PCDH15: variants seen among roughly 807,000 people sequenced by gnomAD.
The protein encoded by PCDH15 is protocadherin related 15.
In PCDH15, 129 loss-of-function variants were observed where a neutral mutation model predicts 178.5. The ratio of observed to expected loss-of-function variants is 0.72; its 90% CI spans 0.63 to 0.84. The LOEUF (loss-of-function observed/expected upper bound fraction) is 0.84, where lower values mean the gene tolerates loss of function less well. PCDH15 is among the 40% of genes least tolerant of loss of function. The probability of loss-of-function intolerance (pLI) is 0.00; values close to 1 mark genes in which losing one functional copy is unlikely to be tolerated. For missense variants in PCDH15, 2,230 were observed against 2,099.9 expected, an observed-to-expected ratio of 1.06 and a Z score of -1.21; for synonymous variants, 800 against 732.0, an observed-to-expected ratio of 1.09 and a Z score of -1.50.
intron 2 of PCDH15, among the ~76,000 whole-genome samples, chr10:55,345,274 A>G (rs2131959789): frequency 6.6e-6 from 1 of 152,096 alleles, no homozygotes; most frequent in Non-Finnish European, 1.5e-5. Context: ...GACATAATTT[A>G]AAATATACCG....
chr10:54,145,499 T>C (rs1329004735), intron 14 of PCDH15, among the ~76,000 whole-genome samples: 4 of 152,108 alleles, frequency 2.6e-5, no homozygotes, highest in African/African-American at 9.6e-5. Context: ...ATTCTATTAT[T>C]TTTGAAATAC....
At chr10:54,245,048 C>A (rs766071820) in intron 8 of PCDH15, among the ~76,000 whole-genome samples, 1 of 152,088 alleles carries the variant, frequency 6.6e-6, no homozygotes, top group Non-Finnish European at 1.5e-5. Flanking sequence ...CTATCTAGGA[C>A]CTCCTTGTTA....
intron 2 of PCDH15, among the ~76,000 whole-genome samples, chr10:55,398,368 C>T (rs1349646220): frequency 6.6e-6 from 1 of 152,186 alleles, no homozygotes; most frequent in Middle Eastern, 3.4e-3. Flanking sequence ...GTTAGGCCAA[C>T]AAAGAAGCAC....
chr10:54,892,088 C>A (rs1214113784), intron 3 of PCDH15, among the ~76,000 whole-genome samples: 1 of 152,106 alleles, frequency 6.6e-6, no homozygotes, highest in African/African-American at 2.4e-5. Flanking sequence ...CATACACCCC[C>A]AGACGCTACT....
At chr10:53,854,285 A>T (rs2078583642) in intron 28 of PCDH15, among the ~76,000 whole-genome samples, 1 of 152,020 alleles carries the variant, frequency 6.6e-6, no homozygotes, top group Non-Finnish European at 1.5e-5. Context: ...AACTTGTTTA[A>T]TGGGTACCAA....
intron 2 of PCDH15, among the ~76,000 whole-genome samples, chr10:54,535,278 T>C (rs1284306582): frequency 6.6e-6 from 1 of 152,208 alleles, no homozygotes; most frequent in Non-Finnish European, 1.5e-5. Context: ...CAATTTACTC[T>C]AGAGACCATA....
At chr10:54,036,501 T>C (rs913878192) in intron 18 of PCDH15, among the ~76,000 whole-genome samples, 3 of 151,730 alleles carry the variant, frequency 2.0e-5, no homozygotes, top group African/African-American at 7.3e-5. Context: ...AATAAAAGCA[T>C]ATATTTATGG....
chr10:54,797,840 GAC>G (rs1952204350), intron 1 of PCDH15, among the ~76,000 whole-genome samples: 1 of 151,880 alleles, frequency 6.6e-6, no homozygotes, highest in Non-Finnish European at 1.5e-5. Flanking sequence ...TACTCAGCGT[GAC>G]TGACTTTTAG....
chr10:54,105,301 T>C (rs1408595514), intron 15 of PCDH15, among the ~76,000 whole-genome samples: 2 of 98,356 alleles, frequency 2.0e-5, no homozygotes, highest in Admixed American at 1.0e-4. Context: ...TATATATATA[T>C]ATATATATAT....
chr10:55,355,739 A>C (rs1845060578), intron 2 of PCDH15, among the ~76,000 whole-genome samples: 1 of 151,938 alleles, frequency 6.6e-6, no homozygotes, highest in African/African-American at 2.4e-5. Context: ...AGTTTTCTTT[A>C]ACTTTTTAAA....
At chr10:54,889,866 TGA>T (rs1954429118) in intron 3 of PCDH15, among the ~76,000 whole-genome samples, 1 of 151,870 alleles carries the variant, frequency 6.6e-6, no homozygotes, top group African/African-American at 2.4e-5. Context: ...CATTTATAAA[TGA>T]GAGGGCAAAG....
At chr10:54,224,936 C>T (rs2053267067) in intron 9 of PCDH15, among the ~76,000 whole-genome samples, 1 of 152,100 alleles carries the variant, frequency 6.6e-6, no homozygotes, top group African/African-American at 2.4e-5. Context: ...AAATAACGAA[C>T]TTCATTTTCT....
At chr10:55,004,260 A>G (rs1839869707) in intron 2 of PCDH15, among the ~76,000 whole-genome samples, 1 of 152,050 alleles carries the variant, frequency 6.6e-6, no homozygotes. Context: ...CACAAAGACT[A>G]CTCAGCATAA....
intron 1 of PCDH15, among the ~76,000 whole-genome samples, chr10:54,727,822 T>C (rs1942784510): frequency 6.6e-6 from 1 of 151,350 alleles, no homozygotes; most frequent in Non-Finnish European, 1.5e-5. Context: ...TCACATAAAC[T>C]AGAAAACCTT....
intron 3 of PCDH15, among the ~76,000 whole-genome samples, chr10:54,828,568 C>T (rs1482968557): frequency 6.6e-6 from 1 of 151,866 alleles, no homozygotes; most frequent in Non-Finnish European, 1.5e-5. Context: ...GGTAATAATG[C>T]ATTTTCTATC....
chr10:55,365,208 C>A (rs1412015538), intron 2 of PCDH15, among the ~76,000 whole-genome samples: 1 of 152,150 alleles, frequency 6.6e-6, no homozygotes, highest in Non-Finnish European at 1.5e-5. Context: ...CCATGCACCC[C>A]AGGGACAGAC....
At chr10:55,468,150 T>C (rs932290025) in intron 2 of PCDH15, among the ~76,000 whole-genome samples, 31 of 151,946 alleles carry the variant, frequency 2.0e-4, no homozygotes, top group Non-Finnish European at 7.4e-5. Flanking sequence ...GAAAAGTTAG[T>C]GACAGAAATA....
At chr10:54,386,100 T>TTGTGTGTG (rs60205554) in intron 3 of PCDH15, among the ~76,000 whole-genome samples, 51 of 139,816 alleles carry the variant, frequency 3.6e-4, no homozygotes, top group African/African-American at 1.1e-3. Flanking sequence ...TAGTTATTAG[T>TTGTGTGTG]TGTGTGTGTG....
intron 13 of PCDH15, among the ~76,000 whole-genome samples, chr10:54,170,304 T>G (rs1358633620): frequency 6.6e-6 from 1 of 152,098 alleles, no homozygotes; most frequent in African/African-American, 2.4e-5. Flanking sequence ...ATGGTTAGTG[T>G]GGTCAGAATT....
Sources: allele counts gnomAD v4.1 joint callset (sites outside exome capture counted in the v4.1 genomes callset), GRCh38; gene constraint gnomAD v4.1.1; transcripts MANE v1.5; gene names NCBI Gene and HGNC (gene_info 2026-07-23, HGNC 2026-07-21).